Variants in NBPF9 observed in about 807,000 individuals in gnomAD.
NBPF9 encodes the protein NBPF member 9.
NBPF9 carries 91 observed loss-of-function variants against 97.8 expected under a neutral mutation model. The observed-to-expected ratio is 0.93, with a 90% CI of 0.79 to 1.11. NBPF9 has a LOEUF of 1.11. NBPF9 is among the 50% of genes least tolerant of loss of function. NBPF9 has a pLI of 0.00. For missense variants in NBPF9, 992 were observed against 939.5 expected (o/e 1.06, Z -0.73); for synonymous variants, 334 against 359.5 (o/e 0.93, Z 0.80).
intron 10 of NBPF9, 70 bp from the exon 11 acceptor site, chr1:149,077,489 G>C: frequency 6.2e-7 from 1 of 1,600,472 alleles, no homozygotes. Flanking sequence ...GGGAGTACTA[G>C]CTGGTTTTGA....
At chr1:149,095,223 A>G (rs2081661363) in intron 4 of NBPF9, among the ~76,000 whole-genome samples, 1 of 151,072 alleles carries the variant, frequency 6.6e-6, no homozygotes, top group Non-Finnish European at 1.5e-5. Flanking sequence ...AACAGCAAAG[A>G]TAGCCTTTCC....
At chr1:149,071,513 T>C (rs2079408749) in intron 15 of NBPF9, 91 bp downstream of exon 15, 1 of 1,122,618 alleles carries the variant, frequency 8.9e-7, no homozygotes, top group East Asian at 2.8e-5. Flanking sequence ...ATGCGGGTTT[T>C]TGGCCCATCA....
Position 149,060,892 on chromosome 1 carries a change from GACACAC to G in NBPF9, c.2304-203_2304-198del, listed in dbSNP as rs1216159088. On this transcript the variant is annotated intron_variant, in intron 23 of 29. Transcript: ENST00000584027. The stretch of plus-strand genomic sequence containing the variant: ...AAAGAATGAAAGAGAAAGACAGATA[GACACAC>G]ACACACACACACACACACACACACA... The G allele has an allele frequency of 2.5e-3, 816 of 327,132 alleles. 73 individuals carry two copies. Among genetic ancestry groups the G allele is most frequent in the Non-Finnish European group, 3.1e-3 (607 of 195,046 alleles). 20.3% of individuals were successfully genotyped at this position (327,132 alleles called of 1,614,324 possible).
chr1:149,073,569 G>T (rs1553653505), intron 13 of NBPF9, among the ~76,000 whole-genome samples, 199 bp downstream of exon 13: 3 of 148,972 alleles, frequency 2.0e-5, no homozygotes, highest in Non-Finnish European at 3.0e-5. Flanking sequence ...AGAAAACAAG[G>T]CTCTGAGAAA....
chr1:149,067,781 G>C (rs1262740275), intron 17 of NBPF9, among the ~76,000 whole-genome samples: 1 of 143,424 alleles, frequency 7.0e-6, no homozygotes, highest in East Asian at 2.7e-4. Context: ...ATGTGTGCAT[G>C]TGTCTTTACA....
At chr1:149,055,653 T>G in exon 30 of NBPF9, 1 of 1,611,846 alleles carries the variant, frequency 6.2e-7, no homozygotes, top group Non-Finnish European at 8.5e-7. Context: ...TAGTAAGGGC[T>G]GCTTATTGTG....
At chr1:149,070,268 C>T (rs1259872760) in intron 16 of NBPF9, among the ~76,000 whole-genome samples, 1 of 147,884 alleles carries the variant, frequency 6.8e-6, no homozygotes, top group Non-Finnish European at 1.5e-5. Context: ...TTGCACCAAG[C>T]CAAGATGGTG....
rs1185944753 is a variant in NBPF9 at position 149,093,204 on chromosome 1, T to C, written c.-336-2310A>G. ...AAGTGCTGTGCTTTTGATGTGCATA[T>C]ACAGAAACATCTCAATGCCTTAAAG... On this transcript the variant is annotated intron_variant, in intron 4 of 29. Coordinates refer to ENST00000584027, the Ensembl canonical transcript of NBPF9. Among the ~76,000 whole-genome samples, 87 of 151,696 alleles carry C rather than the reference T, an allele frequency of 5.7e-4. No individual in the cohort carries two copies. In the Middle Eastern group the frequency reaches 0.01, roughly 18 times the overall value.
rs1251363045 is a variant in NBPF9, at chr1:149,077,801, C to A, written c.566+82G>T. Reference sequence around the variant, plus strand: ...CAAGGGGATGCGGGCTTTTGGCCCACCATAGATGCCAGAGAGGGTGTGCCT... The same window carrying A: ...CAAGGGGATGCGGGCTTTTGGCCCAACATAGATGCCAGAGAGGGTGTGCCT... On this transcript the variant is annotated intron_variant, in intron 10 of 29. Coordinates refer to ENST00000584027, the Ensembl canonical transcript of NBPF9. The A allele has an allele frequency of 5.1e-6, 8 of 1,579,620 alleles. 1 individual carries two copies. The highest frequency in any genetic ancestry group is 2.3e-4 in the Middle Eastern group (1 of 4,398).
At chr1:149,063,390 T>C (rs1328103885) in intron 20 of NBPF9, among the ~76,000 whole-genome samples, 32 of 135,562 alleles carry the variant, frequency 2.4e-4, no homozygotes, top group East Asian at 1.7e-3. Flanking sequence ...AGGTCCAATG[T>C]CATGAGAGTA....
chr1:149,100,914 A>G (rs587693325), intron 3 of NBPF9, among the ~76,000 whole-genome samples: 1 of 151,872 alleles, frequency 6.6e-6, no homozygotes, highest in Non-Finnish European at 1.5e-5. Context: ...AGCCTGGGCA[A>G]TAGAGTGAGG....
intron 10 of NBPF9, 82 bp downstream of exon 10, chr1:149,077,801 C>G (rs1251363045): frequency 6.3e-7 from 1 of 1,579,520 alleles, no homozygotes; most frequent in South Asian, 1.1e-5. Context: ...TTTTGGCCCA[C>G]CATAGATGCC....
At position 149,074,101 on chromosome 1, in the gene NBPF9, C is replaced by G. The variant is rs587678627; in HGVS notation, c.989-231G>C. Among the ~76,000 whole-genome samples the G allele has an allele frequency of 1.3e-3, 197 of 151,356 alleles. 1 individual carries two copies. Among genetic ancestry groups the G allele is most frequent in the African/African-American group, 4.7e-3 (193 of 41,480 alleles). On this transcript the variant is annotated intron_variant, in intron 12 of 29. Coordinates refer to ENST00000584027, the Ensembl canonical transcript of NBPF9. Reference sequence around the variant, plus strand: ...CTCAAGGGCACATCAAGGAAGTTGACAAGATGATTCAACCACAACGAAGTG... The same window carrying G: ...CTCAAGGGCACATCAAGGAAGTTGAGAAGATGATTCAACCACAACGAAGTG...
At chr1:149,070,250 G>A (rs188820394) in intron 16 of NBPF9, among the ~76,000 whole-genome samples, 8 of 150,198 alleles carry the variant, frequency 5.3e-5, no homozygotes, top group Non-Finnish European at 1.0e-4. Flanking sequence ...GAATCTGGGA[G>A]GCAGAGGTTG....
chr1:149,057,145 C>G (rs2078268485), intron 28 of NBPF9, among the ~76,000 whole-genome samples, 190 bp downstream of exon 28: 1 of 586 alleles, frequency 1.7e-3, no homozygotes, highest in African/African-American at 3.6e-3. Context: ...GGAAGAGAGT[C>G]TTGCTCACTG....
chr1:149,082,910 G>A (rs2080613902), intron 5 of NBPF9, among the ~76,000 whole-genome samples: 1 of 144,840 alleles, frequency 6.9e-6, no homozygotes, highest in African/African-American at 2.5e-5. Context: ...CTCCCAAGTA[G>A]CTGGGAATAC....
chr1:149,099,570 T>C (rs2082008629), intron 3 of NBPF9, among the ~76,000 whole-genome samples: 1 of 152,176 alleles, frequency 6.6e-6, no homozygotes, highest in African/African-American at 2.4e-5. Flanking sequence ...GAGCTTATGT[T>C]GAAAATGAGA....
chr1:149,068,444 A>C (rs1243483627), intron 17 of NBPF9, among the ~76,000 whole-genome samples: 1 of 149,010 alleles, frequency 6.7e-6, no homozygotes, highest in Non-Finnish European at 1.5e-5. Flanking sequence ...CTACCAAGCA[A>C]ATGGAAAACA....
chr1:149,055,489 A>G (rs2078143740), exon 30 of NBPF9: 1 of 1,484,334 alleles, frequency 6.7e-7, no homozygotes, highest in African/African-American at 1.4e-5. Context: ...TTGTCTTCAG[A>G]CTGAGCACAG....
Sources: allele counts gnomAD v4.1 joint callset (sites outside exome capture counted in the v4.1 genomes callset), GRCh38; gene constraint gnomAD v4.1.1; transcripts MANE v1.5; gene names NCBI Gene and HGNC (gene_info 2026-07-23, HGNC 2026-07-21).